Variants in SEC14L5 observed in about 807,000 individuals in gnomAD.
SEC14L5 encodes the protein SEC14 like lipid binding 5, also known as SEC14-like protein 5.
SEC14L5 carries 96 observed loss-of-function variants against 84.6 expected under a neutral mutation model. The ratio of observed to expected loss-of-function variants is 1.13; its 90% CI spans 0.96 to 1.34. The LOEUF (loss-of-function observed/expected upper bound fraction) is 1.34. Among genes scored for constraint, SEC14L5 ranks in the 40% most tolerant of loss-of-function variants. The pLI, the probability that SEC14L5 is intolerant of heterozygous loss-of-function variation, is 0.00. For synonymous variants in SEC14L5, 546 were observed against 383.4 expected (o/e 1.42, Z -4.95); for missense variants, 1,224 against 942.5 (o/e 1.30, Z -3.91).
chr16:5,003,070 G>T (rs991601787), intron 10 of SEC14L5, among the ~76,000 whole-genome samples: 3 of 152,248 alleles, frequency 2.0e-5, no homozygotes, highest in Admixed American at 2.0e-4. Flanking sequence ...GCCCGTCCTT[G>T]CAGAGAGCTT....
intron 13 of SEC14L5, among the ~76,000 whole-genome samples, chr16:5,007,724 G>GC (rs1305912651): frequency 6.7e-6 from 1 of 150,178 alleles, no homozygotes; most frequent in African/African-American, 2.5e-5. Context: ...TCATGCCTCA[G>GC]CCTCCCGAGT....
At chr16:4,962,049 G>A (rs1846340898) in intron 2 of SEC14L5, among the ~76,000 whole-genome samples, 1 of 151,212 alleles carries the variant, frequency 6.6e-6, no homozygotes, top group South Asian at 2.1e-4. Context: ...TAGGCATACA[G>A]TCATCCCCAT....
chr16:5,006,730 C>T lies in SEC14L5; in HGVS notation c.1438-622C>T, dbSNP rs1036027293. On this transcript the variant is annotated intron_variant, in intron 12 of 15. Coordinates refer to ENST00000251170, the MANE Select transcript of SEC14L5 (RefSeq NM_014692.2). ...GCCTGTTCTCTCCGTTTGTGATGTG[C>T]GGCACACACGACTTATTTTTAGCAA... is the stretch of plus-strand genomic sequence containing the variant. Among the ~76,000 whole-genome samples the T allele has an allele frequency of 1.1e-4, 16 of 152,194 alleles. 1 individual carries two copies. The highest frequency in any genetic ancestry group is 2.9e-4 in the African/African-American group (12 of 41,446).
At chr16:5,002,299 T>TA (rs142305990) in intron 10 of SEC14L5, among the ~76,000 whole-genome samples, 4 of 5,864 alleles carry the variant, frequency 6.8e-4, no homozygotes, top group Non-Finnish European at 9.2e-4. Flanking sequence ...TGTTTGCAGA[T>TA]TTTTTTTTTT....
Position 5,008,655 on chromosome 16 carries a change from A to G in SEC14L5, c.1800+7A>G, listed in dbSNP as rs1311285490. 8.1e-6 allele frequency: 13 copies of G among 1,605,578 alleles called. No homozygotes were observed. Among genetic ancestry groups the G allele is most frequent in the South Asian group, 1.1e-5 (1 of 90,016 alleles). On this transcript the variant is annotated splice_region_variant and intron_variant, in intron 14 of 15. Coordinates refer to ENST00000251170, the MANE Select transcript of SEC14L5 (RefSeq NM_014692.2). Reference sequence around the variant, plus strand: ...GGAGGGGGAGAGCATCCAGGTTTGCATTTTCTGGACCACTCATTCGCTCAC... The same window carrying G: ...GGAGGGGGAGAGCATCCAGGTTTGCGTTTTCTGGACCACTCATTCGCTCAC...
intron 8 of SEC14L5, among the ~76,000 whole-genome samples, chr16:4,997,456 C>T (rs781190871): frequency 5.7e-4 from 87 of 152,296 alleles, no homozygotes; most frequent in African/African-American, 2.0e-3. Context: ...TTCCTTTTGA[C>T]TCTTCCAGGC....
intron 2 of SEC14L5, among the ~76,000 whole-genome samples, chr16:4,963,666 C>T (rs1444516497): frequency 1.3e-5 from 2 of 150,326 alleles, no homozygotes; most frequent in Non-Finnish European, 3.0e-5. Context: ...TTTTTTCTTT[C>T]TTTTTGAGAC....
At chr16:5,012,308 C>T (rs1467199697) in intron 15 of SEC14L5, among the ~76,000 whole-genome samples, 1 of 152,148 alleles carries the variant, frequency 6.6e-6, no homozygotes, top group Non-Finnish European at 1.5e-5. Context: ...GATTCTGAGG[C>T]CGGGCATGTG....
intron 2 of SEC14L5, among the ~76,000 whole-genome samples, chr16:4,980,379 C>T (rs1955406741): frequency 6.6e-6 from 1 of 152,144 alleles, no homozygotes; most frequent in Non-Finnish European, 1.5e-5. Context: ...CATGCCCCAG[C>T]AGACCAGCCT....
chr16:4,962,662 TGG>T (rs1955139126), intron 2 of SEC14L5, among the ~76,000 whole-genome samples: 1 of 108,932 alleles, frequency 9.2e-6, no homozygotes. Context: ...CACTCCAGCC[TGG>T]GGGAAGAGTG....
intron 10 of SEC14L5, among the ~76,000 whole-genome samples, chr16:5,002,173 C>T (rs559119930): frequency 6.8e-4 from 103 of 152,298 alleles, no homozygotes; most frequent in African/African-American, 2.3e-3. Flanking sequence ...CTTCTAAGCA[C>T]CTTGATTCAT....
At chr16:5,006,799 C>T (rs1364149467) in intron 12 of SEC14L5, among the ~76,000 whole-genome samples, 1 of 152,118 alleles carries the variant, frequency 6.6e-6, no homozygotes, top group East Asian at 1.9e-4. Flanking sequence ...AGACACTGAA[C>T]AGTGTCCTGC....
chr16:4,985,762 CAA>C (rs1423337878), intron 2 of SEC14L5, among the ~76,000 whole-genome samples: 5 of 150,286 alleles, frequency 3.3e-5, no homozygotes, highest in Non-Finnish European at 7.4e-5. Context: ...TTTATAGATA[CAA>C]TATATATTTA....
rs371642028 is a variant in SEC14L5 at position 4,969,745 on chromosome 16, T to C, written c.63+10359T>C. Among the ~76,000 whole-genome samples, 25 of 152,276 alleles carry C rather than the reference T, an allele frequency of 1.6e-4. No homozygotes were observed. In the East Asian group the frequency reaches 4.6e-3, roughly 28 times the overall value. On this transcript the variant is annotated intron_variant, in intron 2 of 15. Transcript: ENST00000251170. Reference sequence around the variant, plus strand: ...TCATTTGTTTCCTTGTTTACTTGTTTATATGGGTATTTTTCATTAAGGGAA... The same window carrying C: ...TCATTTGTTTCCTTGTTTACTTGTTCATATGGGTATTTTTCATTAAGGGAA...
intron 11 of SEC14L5, 51 bp from the exon 12 acceptor site, chr16:5,005,863 C>A (rs1211463505): frequency 4.4e-5 from 54 of 1,234,070 alleles, no homozygotes; most frequent in African/African-American, 2.3e-4. Flanking sequence ...GACTCCGTCT[C>A]AAAAAAAAAA....
intron 2 of SEC14L5, among the ~76,000 whole-genome samples, chr16:4,984,958 T>A (rs1955467663): frequency 6.6e-6 from 1 of 152,252 alleles, no homozygotes; most frequent in Non-Finnish European, 1.5e-5. Flanking sequence ...TACACACACA[T>A]GTACACATAT....
chr16:4,970,535 C>A (rs1415776842), intron 2 of SEC14L5, among the ~76,000 whole-genome samples: 2 of 152,196 alleles, frequency 1.3e-5, no homozygotes, highest in African/African-American at 4.8e-5. Flanking sequence ...GCGCAAAATC[C>A]TGACATACCA....
Position 4,980,619 on chromosome 16 carries a change from C to T in SEC14L5, c.64-6938C>T, listed in dbSNP as rs183712540. Among the ~76,000 whole-genome samples, 53 of 152,266 alleles carry T rather than the reference C, an allele frequency of 3.5e-4. 1 individual carries two copies. Among genetic ancestry groups the T allele is most frequent in the Non-Finnish European group, 6.0e-4 (41 of 68,018 alleles). ...CCAAGGGTGTGCCGAGGACCAAGCCCGGCACAGGTATGAGGTTGTGCTTTG... is the reference window on the plus strand; with the variant it reads ...CCAAGGGTGTGCCGAGGACCAAGCCTGGCACAGGTATGAGGTTGTGCTTTG... On this transcript the variant is annotated intron_variant, in intron 2 of 15. Coordinates refer to ENST00000251170, the MANE Select transcript of SEC14L5 (RefSeq NM_014692.2).
rs767413027 is a variant in SEC14L5, at chr16:5,014,994, C to T, written c.*24C>T. The T allele has an allele frequency of 3.9e-6, 6 of 1,537,666 alleles. No individual in the cohort carries two copies. The highest frequency in any genetic ancestry group is 5.4e-6 in the Non-Finnish European group (6 of 1,117,646). ...AGCCGGGCCCAGTGTTTCAGGGCCG[C>T]CCGCTCGCCTCCAGTGTCCAGAAAT... On this transcript the variant is annotated 3_prime_UTR_variant, in exon 16 of 16. Coordinates refer to ENST00000251170, the MANE Select transcript of SEC14L5 (RefSeq NM_014692.2).
Sources: gnomAD v4.1 joint callset for allele counts (sites outside exome capture counted in the v4.1 genomes callset) on GRCh38, gnomAD v4.1.1 for gene constraint, MANE v1.5 for transcripts, NCBI Gene and HGNC (gene_info 2026-07-23, HGNC 2026-07-21) for gene names.